The following AGBL4 variants were observed in gnomAD, a reference collection of about 807,000 sequenced individuals.
AGBL4 encodes AGBL carboxypeptidase 4.
AGBL4 carries 58 observed loss-of-function variants against 66.4 expected under a neutral mutation model. That is an observed-to-expected ratio of 0.87 (90% CI 0.71 to 1.09). The LOEUF is 1.09. Ranked by LOEUF, AGBL4 falls within the 50% of genes least tolerant of loss-of-function variation. AGBL4 has a pLI of 0.00. For missense variants in AGBL4, 579 were observed against 631.0 expected (o/e 0.92, Z 0.88); for synonymous variants, 234 against 222.9 (o/e 1.05, Z -0.44).
At chr1:48,695,193 A>T (rs953099466) in intron 6 of AGBL4, among the ~76,000 whole-genome samples, 1 of 152,156 alleles carries the variant, frequency 6.6e-6, no homozygotes, top group Non-Finnish European at 1.5e-5. Flanking sequence ...GTCTGCTTCA[A>T]TTCCCCTGCA....
chr1:49,351,216 A>G (rs1285395770), intron 3 of AGBL4, among the ~76,000 whole-genome samples: 1 of 152,148 alleles, frequency 6.6e-6, no homozygotes, highest in Non-Finnish European at 1.5e-5. Flanking sequence ...ACAATGAACA[A>G]CTGAGTGGGG....
At chr1:49,923,671 C>G (rs552775184) in intron 1 of AGBL4, among the ~76,000 whole-genome samples, 1 of 152,168 alleles carries the variant, frequency 6.6e-6, no homozygotes, top group East Asian at 1.9e-4. Flanking sequence ...ACAGACACTT[C>G]TCAAAAGAAC....
intron 4 of AGBL4, among the ~76,000 whole-genome samples, chr1:49,089,859 A>T (rs1644972600): frequency 6.6e-6 from 1 of 152,148 alleles, no homozygotes; most frequent in Non-Finnish European, 1.5e-5. Context: ...GCAAAATACT[A>T]GCAAACCAAG....
At position 48,590,931 on chromosome 1, in the gene AGBL4, C is replaced by T. The variant is rs577001898; in HGVS notation, c.1006G>A (p.Gly336Ser). 17 of 1,610,562 alleles carry T rather than the reference C, an allele frequency of 1.1e-5. No homozygotes were observed. The highest frequency in any genetic ancestry group is 1.4e-5 in the Non-Finnish European group (17 of 1,178,740). The change falls in exon 10 of 14, where the codon GGC (glycine) becomes AGC (serine). Residue 336 changes from glycine to serine, a missense_variant. By Grantham distance (56) the Gly-to-Ser change is moderately conservative. Coordinates refer to ENST00000371839, the MANE Select transcript of AGBL4 (RefSeq NM_032785.4). ...TCAAAGATGTTGCCATACATGAAGC[C>T]ATTCATCATGGTGGAGTGGGCATGG... ...DIHAHSTMMN[G>S]FMYGNIFEDE... is the part of the protein sequence containing the mutation.
chr1:50,007,135 A>G (rs551209962), intron 1 of AGBL4, among the ~76,000 whole-genome samples: 1 of 152,206 alleles, frequency 6.6e-6, no homozygotes, highest in African/African-American at 2.4e-5. Flanking sequence ...TTATGCAATC[A>G]GTGTTAAGTT....
chr1:49,530,298 TTTA>T (rs1413986946), intron 3 of AGBL4, among the ~76,000 whole-genome samples: 1 of 67,086 alleles, frequency 1.5e-5, no homozygotes, highest in East Asian at 2.3e-4. Flanking sequence ...TGAGTTTTTT[TTTA>T]TTATTATACT....
rs1645160354 is a variant in AGBL4 at position 49,099,314 on chromosome 1, A to G, written c.378-53514T>C. On this transcript the variant is annotated intron_variant, in intron 4 of 13. Coordinates refer to ENST00000371839, the MANE Select transcript of AGBL4 (RefSeq NM_032785.4). ...TACCAAAAGTTCAGGTCTGAAAATA[A>G]TATTAGCATATGGGACACACACACA... Among the ~76,000 whole-genome samples the G allele has an allele frequency of 2.0e-5, 3 of 152,156 alleles. No homozygotes were observed. The South Asian group carries it at 6.2e-4, about 32-fold the overall frequency.
chr1:48,938,658 C>T (rs187857670), intron 5 of AGBL4, among the ~76,000 whole-genome samples: 44 of 152,260 alleles, frequency 2.9e-4, no homozygotes, highest in Admixed American at 1.8e-3. Context: ...TTCTACATCC[C>T]GAAATAAATT....
intron 4 of AGBL4, among the ~76,000 whole-genome samples, chr1:49,180,394 T>C (rs1416379111): frequency 2.0e-5 from 3 of 152,146 alleles, no homozygotes; most frequent in Non-Finnish European, 4.4e-5. Context: ...AAAATAATAA[T>C]AGCAATAACT....
chr1:49,591,332 T>C (rs1238745884), intron 3 of AGBL4, among the ~76,000 whole-genome samples: 1 of 151,670 alleles, frequency 6.6e-6, no homozygotes, highest in Admixed American at 6.6e-5. Context: ...AGAAGAAACA[T>C]TAGTACTAGC....
intron 3 of AGBL4, among the ~76,000 whole-genome samples, chr1:49,432,113 A>G (rs1645801253): frequency 6.6e-6 from 1 of 152,192 alleles, no homozygotes; most frequent in African/African-American, 2.4e-5. Context: ...TCCGTGATTT[A>G]GCAGGAGACA....
chr1:49,286,391 G>A (rs1175581032), intron 3 of AGBL4, among the ~76,000 whole-genome samples: 6 of 151,736 alleles, frequency 4.0e-5, no homozygotes, highest in African/African-American at 1.5e-4. Flanking sequence ...GAAATAAAGG[G>A]TATTCAATTA....
chr1:48,723,667 GGA>G (rs1647184783), intron 6 of AGBL4, among the ~76,000 whole-genome samples: 1 of 152,178 alleles, frequency 6.6e-6, no homozygotes, highest in African/African-American at 2.4e-5. Context: ...GCCAAACTCT[GGA>G]GAGATATGCA....
At chr1:49,916,671 T>C (rs11803330) in intron 1 of AGBL4, among the ~76,000 whole-genome samples, 8,105 of 152,192 alleles carry the variant, frequency 0.053, 243 homozygotes, top group African/African-American at 0.071. Context: ...CAGGATATTA[T>C]CCAGGAGAAC....
At chr1:49,916,980 A>G (rs2148226863) in intron 1 of AGBL4, among the ~76,000 whole-genome samples, 1 of 152,268 alleles carries the variant, frequency 6.6e-6, no homozygotes, top group South Asian at 2.1e-4. Flanking sequence ...ATCCACCCAA[A>G]CTAAGCTTCA....
chr1:49,442,910 G>T (rs1221601516), intron 3 of AGBL4, among the ~76,000 whole-genome samples: 1 of 152,066 alleles, frequency 6.6e-6, no homozygotes, highest in Non-Finnish European at 1.5e-5. Flanking sequence ...GTGTATAAAA[G>T]TTCCCTTTTC....
chr1:49,119,932 A>G (rs928885482), intron 4 of AGBL4, among the ~76,000 whole-genome samples: 1 of 152,132 alleles, frequency 6.6e-6, no homozygotes, highest in Non-Finnish European at 1.5e-5. Flanking sequence ...ATTATTATGT[A>G]ATGGCCTTCT....
intron 6 of AGBL4, among the ~76,000 whole-genome samples, chr1:48,725,889 C>T (rs1340650367): frequency 1.3e-5 from 2 of 152,200 alleles, no homozygotes; most frequent in African/African-American, 4.8e-5. Context: ...TTCCTTGTTG[C>T]ATCTACTTCT....
At chr1:49,562,111 G>A (rs1353420853) in intron 3 of AGBL4, among the ~76,000 whole-genome samples, 1 of 152,158 alleles carries the variant, frequency 6.6e-6, no homozygotes, top group Non-Finnish European at 1.5e-5. Context: ...GTCTTCTTTT[G>A]AGAAGTGTGG....
Sources: gnomAD v4.1 joint callset for allele counts (sites outside exome capture counted in the v4.1 genomes callset) on GRCh38, gnomAD v4.1.1 for gene constraint, MANE v1.5 for transcripts, NCBI Gene and HGNC (gene_info 2026-07-23, HGNC 2026-07-21) for gene names.